Variants in HEATR5A observed in about 807,000 individuals in gnomAD.
HEATR5A encodes HEAT repeat containing 5A, also known as HEAT repeat-containing protein 5A.
In HEATR5A, 178 loss-of-function variants were observed where a neutral mutation model predicts 218.8. That is an observed-to-expected ratio of 0.81 (90% confidence interval 0.72 to 0.92). The LOEUF is 0.92. HEATR5A is among the 40% of genes least tolerant of loss of function. The pLI, the probability that HEATR5A is intolerant of heterozygous loss-of-function variation, is 0.00. For missense variants in HEATR5A, 2,420 were observed against 2,418.9 expected, an observed-to-expected ratio of 1.00 and a Z score of -0.01; for synonymous variants, 864 against 871.6, an observed-to-expected ratio of 0.99 and a Z score of 0.15.
chr14:31,372,011 C>A, intron 12 of HEATR5A, 102 bp from the exon 13 acceptor site: 47 of 496,274 alleles, frequency 9.5e-5, no homozygotes, highest in East Asian at 1.8e-4. Context: ...AGTAATAAAG[C>A]AATTTGCTAA....
chr14:31,354,300 G>GT (rs1296892385), intron 16 of HEATR5A, among the ~76,000 whole-genome samples: 1 of 152,072 alleles, frequency 6.6e-6, no homozygotes, highest in African/African-American at 2.4e-5. Flanking sequence ...ATAAAAATAC[G>GT]TAAGGTTAGA....
At chr14:31,417,991 T>G (rs891492950) in intron 1 of HEATR5A, among the ~76,000 whole-genome samples, 71 of 152,084 alleles carry the variant, frequency 4.7e-4, no homozygotes, top group Non-Finnish European at 4.4e-5. Context: ...GCGGATCACC[T>G]GAGATCAGGA....
chr14:31,306,760 A>G lies in HEATR5A; in HGVS notation c.4938T>C (p.His1646=), dbSNP rs747183967. ...VRQIICAAQE[H]VKEKRRSAEV... is the part of the protein sequence containing the mutation. ...CTGCACTTCGTCTTTTTTCCTTCACATGTTCTTGAGCAGCACAGATAATCT... is the reference window on the plus strand; with the variant it reads ...CTGCACTTCGTCTTTTTTCCTTCACGTGTTCTTGAGCAGCACAGATAATCT... The change falls in exon 31 of 36, where the codon CAT becomes CAC. Residue 1646 remains histidine, a synonymous_variant. Transcript: ENST00000543095. 1.9e-6 allele frequency: 3 copies of G among 1,611,236 alleles called. No individual in the cohort carries two copies. Among genetic ancestry groups the G allele is most frequent in the Admixed American group, 3.4e-5 (2 of 59,516 alleles).
intron 26 of HEATR5A, among the ~76,000 whole-genome samples, chr14:31,316,421 T>C (rs983191806): frequency 1.3e-5 from 2 of 152,188 alleles, no homozygotes; most frequent in African/African-American, 4.8e-5. Flanking sequence ...CGAGAAATCC[T>C]ATGGAAGGAG....
intron 31 of HEATR5A, among the ~76,000 whole-genome samples, 188 bp from the exon 32 acceptor site, chr14:31,305,365 C>A (rs747390071): frequency 1.6e-4 from 24 of 152,090 alleles, no homozygotes; most frequent in Non-Finnish European, 2.8e-4. Flanking sequence ...CAGTTTCAAG[C>A]GATTCTTCTG....
chr14:31,381,791 A>C (rs2029996554), intron 10 of HEATR5A, among the ~76,000 whole-genome samples: 1 of 152,132 alleles, frequency 6.6e-6, no homozygotes, highest in Non-Finnish European at 1.5e-5. Flanking sequence ...GTTTCAAAAA[A>C]AGGGGTCCAT....
chr14:31,302,687 T>C, intron 32 of HEATR5A, 168 bp from the exon 33 acceptor site: 1 of 574,844 alleles, frequency 1.7e-6, no homozygotes. Context: ...ATTAAAATTT[T>C]TATGGATGGA....
intron 33 of HEATR5A, among the ~76,000 whole-genome samples, chr14:31,298,949 C>T (rs1309397873): frequency 6.6e-6 from 1 of 152,186 alleles, no homozygotes; most frequent in Non-Finnish European, 1.5e-5. Context: ...CTCTATCCCC[C>T]ACACTGTTTG....
At chr14:31,327,765 T>C (rs1314376173) in intron 22 of HEATR5A, among the ~76,000 whole-genome samples, 2 of 152,270 alleles carry the variant, frequency 1.3e-5, no homozygotes, top group Non-Finnish European at 2.9e-5. Flanking sequence ...TAAACATATA[T>C]CACTATACAA....
rs146492490 is a variant in HEATR5A at position 31,340,518 on chromosome 14, A to G, written c.3229-2904T>C. 489 of 1,227,328 alleles carry G rather than the reference A, an allele frequency of 4.0e-4. 5 individuals carry two copies. The African/African-American group carries it at 7.1e-3, about 18-fold the overall frequency. The allele number at this position is 1,227,328 out of a possible 1,614,324, so 76.0% of individuals were successfully genotyped here. ...GACACACCAGTCATGACAAAACCAAAAGATAAATATTAGGATGACTTTGAC... is the reference window on the plus strand; with the variant it reads ...GACACACCAGTCATGACAAAACCAAGAGATAAATATTAGGATGACTTTGAC... On this transcript the variant is annotated intron_variant, in intron 21 of 35. Coordinates refer to ENST00000543095, the MANE Select transcript of HEATR5A (RefSeq NM_015473.4).
chr14:31,398,169 A>T (rs1328183654), intron 4 of HEATR5A, among the ~76,000 whole-genome samples: 1 of 152,152 alleles, frequency 6.6e-6, no homozygotes, highest in Non-Finnish European at 1.5e-5. Flanking sequence ...TTCAATGAGG[A>T]TAAAGTTGAA....
chr14:31,356,332 T>A (rs1901425759), intron 16 of HEATR5A, among the ~76,000 whole-genome samples: 1 of 152,120 alleles, frequency 6.6e-6, no homozygotes, highest in South Asian at 2.1e-4. Flanking sequence ...TAACTCCCAG[T>A]ATCAAGCGAA....
At position 31,293,246 on chromosome 14, in the gene HEATR5A, A is replaced by T; in HGVS notation, c.*59T>A. On this transcript the variant is annotated 3_prime_UTR_variant, in exon 36 of 36. Transcript: ENST00000543095. ...TTGTGTCTACAATGTCCCTTTTGTCACCAAAGGCAATGATCAAGTATTTAT... is the reference window on the plus strand; with the variant it reads ...TTGTGTCTACAATGTCCCTTTTGTCTCCAAAGGCAATGATCAAGTATTTAT... 1 of 1,356,354 alleles carries T rather than the reference A, an allele frequency of 7.4e-7. No individual in the cohort carries two copies. Among genetic ancestry groups the T allele is most frequent in the Non-Finnish European group, 1.0e-6 (1 of 990,712 alleles). 84.0% of individuals were successfully genotyped at this position (1,356,354 alleles called of 1,614,324 possible).
intron 21 of HEATR5A, among the ~76,000 whole-genome samples, chr14:31,339,449 C>CAAAAAAAAAAAAAAAAAAAAA (rs55998911): frequency 1.5e-5 from 1 of 67,430 alleles, no homozygotes; most frequent in Admixed American, 2.2e-4. Flanking sequence ...AACTGTGTCT[C>CAAAAAAAAAAAAAAAAAAAAA]AAAAAAAAAA....
At position 31,394,071 on chromosome 14, in the gene HEATR5A, A is replaced by G; in HGVS notation, c.753T>C (p.Ile251=). Residue 251 remains isoleucine (I), a synonymous_variant, in exon 6 of 36, where the codon ATT becomes ATC. Transcript: ENST00000543095. The part of the protein sequence containing the change: ...LLGIILAKAV[I]SKHPGTAASR... ...ATTTACCTGTTCCTGGATGTTTAGAAATTACAGCTTTAGCTAATATTATGC... is the reference window on the plus strand; with the variant it reads ...ATTTACCTGTTCCTGGATGTTTAGAGATTACAGCTTTAGCTAATATTATGC... 2 of 1,523,376 alleles carry G rather than the reference A, an allele frequency of 1.3e-6. No homozygotes were observed. The highest frequency in any genetic ancestry group is 1.8e-6 in the Non-Finnish European group (2 of 1,142,120). 94.4% of individuals were successfully genotyped at this position (1,523,376 alleles called of 1,614,324 possible).
intron 22 of HEATR5A, among the ~76,000 whole-genome samples, chr14:31,326,570 CAT>C (rs1342188222): frequency 6.6e-6 from 1 of 152,122 alleles, no homozygotes; most frequent in East Asian, 1.9e-4. Flanking sequence ...AAAAAGTATT[CAT>C]ATGTTATTAT....
chr14:31,368,613 T>C (rs1420730417), intron 13 of HEATR5A, among the ~76,000 whole-genome samples: 2 of 152,150 alleles, frequency 1.3e-5, no homozygotes, highest in Non-Finnish European at 2.9e-5. Context: ...ACTATAGCCT[T>C]GAATTGAGGT....
At chr14:31,370,683 G>A (rs1902005797) in intron 13 of HEATR5A, among the ~76,000 whole-genome samples, 1 of 152,134 alleles carries the variant, frequency 6.6e-6, no homozygotes, top group Non-Finnish European at 1.5e-5. Flanking sequence ...CAACCCAGAA[G>A]TCCATTGACA....
At chr14:31,394,397 T>C (rs574695635) in intron 5 of HEATR5A, among the ~76,000 whole-genome samples, 171 bp from the exon 6 acceptor site, 2 of 152,270 alleles carry the variant, frequency 1.3e-5, no homozygotes, top group South Asian at 2.1e-4. Flanking sequence ...ATAAAGATTA[T>C]ATTATAGAAG....
Sources: allele counts gnomAD v4.1 joint callset (sites outside exome capture counted in the v4.1 genomes callset), GRCh38; gene constraint gnomAD v4.1.1; transcripts MANE v1.5; gene names NCBI Gene and HGNC (gene_info 2026-07-23, HGNC 2026-07-21).